The following HTR4 variants were observed in gnomAD, a reference collection of about 807,000 sequenced individuals.
HTR4 encodes the protein 5-hydroxytryptamine (serotonin) receptor 4, G protein-coupled.
In HTR4, 16 loss-of-function variants were observed where a neutral mutation model predicts 36.8. The ratio of observed to expected loss-of-function variants is 0.43; its 90% CI spans 0.29 to 0.66. HTR4 has a LOEUF of 0.66. HTR4 is among the 30% of genes least tolerant of loss of function. The pLI is 0.13. For missense variants in HTR4, 438 were observed against 490.9 expected, an observed-to-expected ratio of 0.89 and a Z score of 1.02; for synonymous variants, 189 against 185.1, an observed-to-expected ratio of 1.02 and a Z score of -0.17.
At chr5:148,588,008 T>A (rs1039987598) in intron 2 of HTR4, among the ~76,000 whole-genome samples, 1 of 152,126 alleles carries the variant, frequency 6.6e-6, no homozygotes, top group Non-Finnish European at 1.5e-5. Flanking sequence ...ACCCTGCTAC[T>A]AGATTTGTAG....
At chr5:148,473,328 AG>A (rs1179282232), downstream of HTR4, among the ~76,000 whole-genome samples, 4 of 151,668 alleles carry the variant, frequency 2.6e-5, no homozygotes, top group Non-Finnish European at 5.9e-5. Flanking sequence ...AAGAGGTAGA[AG>A]ATAGCCGTAG....
chr5:148,591,761 C>T (rs1282926254), intron 2 of HTR4, among the ~76,000 whole-genome samples: 1 of 152,152 alleles, frequency 6.6e-6, no homozygotes, highest in Admixed American at 6.6e-5. Flanking sequence ...TATCATCTCA[C>T]ACCAGTCACA....
intron 2 of HTR4, among the ~76,000 whole-genome samples, chr5:148,603,288 C>A (rs1212997928): frequency 6.6e-6 from 1 of 151,944 alleles, no homozygotes; most frequent in African/African-American, 2.4e-5. Context: ...GGAGAATATT[C>A]ATACCACCAC....
chr5:148,610,247 C>A (rs985538124), intron 2 of HTR4, among the ~76,000 whole-genome samples: 3 of 152,162 alleles, frequency 2.0e-5, no homozygotes, highest in African/African-American at 4.8e-5. Flanking sequence ...CCAGCCTGAG[C>A]GACACAGAAG....
At chr5:148,542,141 T>C (rs920503619) in intron 4 of HTR4, among the ~76,000 whole-genome samples, 1 of 152,210 alleles carries the variant, frequency 6.6e-6, no homozygotes, top group African/African-American at 2.4e-5. Flanking sequence ...CATAAATGTT[T>C]GATGAAATGA....
chr5:148,491,582 C>A (rs1303895221), intron 6 of HTR4, among the ~76,000 whole-genome samples: 1 of 152,080 alleles, frequency 6.6e-6, no homozygotes. Flanking sequence ...GCGTCCCTGG[C>A]CTCCACCCAC....
intron 2 of HTR4, among the ~76,000 whole-genome samples, chr5:148,592,543 C>T (rs78155722): frequency 0.15 from 23,398 of 152,022 alleles, 2,027 homozygotes; most frequent in African/African-American, 0.22. Context: ...ACTCTTCCCT[C>T]TAATAATATT....
rs1420775686 is a variant in HTR4, at chr5:148,606,061, G to T, written c.26+30928C>A. On this transcript the variant is annotated intron_variant, in intron 2 of 6. Coordinates refer to ENST00000377888, the MANE Select transcript of HTR4 (RefSeq NM_000870.7). ...CAGATAAATGATTTTAATATATATG[G>T]AATTTTAAAAAATATTCAAAATACA... Among the ~76,000 whole-genome samples the T allele has an allele frequency of 2.6e-5, 4 of 152,044 alleles. 1 individual carries two copies. Among genetic ancestry groups the T allele is most frequent in the African/African-American group, 9.7e-5 (4 of 41,382 alleles).
intron 6 of HTR4, among the ~76,000 whole-genome samples, chr5:148,496,099 C>A (rs1022524832): frequency 6.6e-5 from 10 of 151,992 alleles, no homozygotes; most frequent in African/African-American, 2.4e-5. Flanking sequence ...GACTCCGCCT[C>A]AAAAAAAATT....
At chr5:148,508,294 C>T (rs1757317883) in intron 6 of HTR4, among the ~76,000 whole-genome samples, 1 of 152,124 alleles carries the variant, frequency 6.6e-6, no homozygotes, top group African/African-American at 2.4e-5. Context: ...AAAAAAATGT[C>T]ACTGGCAATC....
At chr5:148,486,109 G>A (rs891672693) in intron 6 of HTR4, among the ~76,000 whole-genome samples, 3 of 152,196 alleles carry the variant, frequency 2.0e-5, no homozygotes, top group Non-Finnish European at 2.9e-5. Context: ...CTAACTCCAT[G>A]AAGGACTCAC....
chr5:148,476,969 G>T (rs1755717911), downstream of HTR4, among the ~76,000 whole-genome samples: 1 of 152,174 alleles, frequency 6.6e-6, no homozygotes, highest in African/African-American at 2.4e-5. Context: ...GGCAGGAGTA[G>T]TAGCTGAATG....
downstream of HTR4, among the ~76,000 whole-genome samples, chr5:148,472,016 G>A (rs1164875061): frequency 6.6e-6 from 1 of 152,124 alleles, no homozygotes; most frequent in African/African-American, 2.4e-5. Context: ...ATACTCTCAG[G>A]ATACTCACAT....
chr5:148,526,682 A>C (rs959994594), intron 4 of HTR4, among the ~76,000 whole-genome samples: 1 of 152,172 alleles, frequency 6.6e-6, no homozygotes, highest in Admixed American at 6.6e-5. Flanking sequence ...ACATGATGGG[A>C]TATTATTCCA....
chr5:148,622,618 T>C (rs1433843782), intron 2 of HTR4, among the ~76,000 whole-genome samples: 1 of 152,256 alleles, frequency 6.6e-6, no homozygotes, highest in African/African-American at 2.4e-5. Context: ...TGTTATTTAC[T>C]AGCGGTGTGT....
intron 1 of HTR4, among the ~76,000 whole-genome samples, chr5:148,637,805 A>G (rs1753597716): frequency 6.6e-6 from 1 of 152,176 alleles, no homozygotes; most frequent in South Asian, 2.1e-4. Flanking sequence ...GCATTTTTAT[A>G]TCTTCATCAC....
At chr5:148,599,041 G>A (rs1430430946) in intron 2 of HTR4, among the ~76,000 whole-genome samples, 1 of 152,020 alleles carries the variant, frequency 6.6e-6, no homozygotes, top group Non-Finnish European at 1.5e-5. Context: ...CATAGATAAA[G>A]AGAACATTAA....
rs565786843 is a variant in HTR4, at chr5:148,626,891, C to A, written c.26+10098G>T. 7.2e-5 allele frequency among the ~76,000 whole-genome samples: 11 copies of A among 152,262 alleles called. No individual in the cohort carries two copies. In the South Asian group the frequency reaches 1.9e-3, roughly 26 times the overall value. On this transcript the variant is annotated intron_variant, in intron 2 of 6. Transcript: ENST00000377888. ...ACTAAGTTAGCCAGCTTTCTATAGA[C>A]ATTTTTTTACCTGAATGTTCCACAG...
rs575589098 is a variant in HTR4, at chr5:148,462,432, A to C, written c.1077-11160T>G. Among the ~76,000 whole-genome samples the C allele has an allele frequency of 2.0e-5, 3 of 152,192 alleles. No homozygotes were observed. The South Asian group carries it at 6.2e-4, about 32-fold the overall frequency. ...TTTGATAACCTTGATGAAATTGACC[A>C]ATTCCTTGAAAGACACATTCTGCTA... On this transcript the variant is annotated intron_variant, in intron 5 of 5. Coordinates refer to the HTR4 transcript ENST00000521530.
Sources: gnomAD v4.1 joint callset for allele counts (sites outside exome capture counted in the v4.1 genomes callset) on GRCh38, gnomAD v4.1.1 for gene constraint, MANE v1.5 for transcripts, NCBI Gene and HGNC (gene_info 2026-07-23, HGNC 2026-07-21) for gene names.